Variants in MGAT4C observed in about 807,000 individuals in gnomAD.
The protein encoded by MGAT4C is alpha-1,3-mannosyl-glycoprotein 4-beta-N-acetylglucosaminyltransferase C.
Under a neutral mutation model 40.1 loss-of-function variants are expected in MGAT4C, and 19 were observed. That is an observed-to-expected ratio of 0.47 (90% CI 0.33 to 0.70). MGAT4C has a LOEUF of 0.70. Ranked by LOEUF, MGAT4C falls within the 30% of genes least tolerant of loss-of-function variation. MGAT4C has a pLI of 0.02. For synonymous variants in MGAT4C, 181 were observed against 187.1 expected (o/e 0.97, Z 0.27); for missense variants, 491 against 563.2 (o/e 0.87, Z 1.30).
rs113454968 is a variant in MGAT4C at position 86,478,345 on chromosome 12, T to C, written c.-228-43080A>G. Among the ~76,000 whole-genome samples, 500 of 152,284 alleles carry C rather than the reference T, an allele frequency of 3.3e-3. 2 individuals carry two copies. The highest frequency in any genetic ancestry group is 0.012 in the African/African-American group (484 of 41,572). On this transcript the variant is annotated intron_variant, in intron 2 of 7. Transcript: ENST00000548651. ...TTTTTGAGTTAGACACAATAGTATG[T>C]AGTCTTTTTCAGTCTGTTTTAAAGC...
In MGAT4C at chr12:86,642,775, T is replaced by C. The variant is rs1963428188; in HGVS notation, c.-229+84434A>G. Among the ~76,000 whole-genome samples, 5 of 151,656 alleles carry C rather than the reference T, an allele frequency of 3.3e-5. 1 individual carries two copies. The Middle Eastern group carries it at 0.014, about 415-fold the overall frequency. ...TTGAGAATATATATTTTTATGTTTTTCATAAAACATTTTATATGTATATAT... is the reference window on the plus strand; with the variant it reads ...TTGAGAATATATATTTTTATGTTTTCCATAAAACATTTTATATGTATATAT... On this transcript the variant is annotated intron_variant, in intron 2 of 7. Transcript: ENST00000548651.
chr12:86,169,651 A>G (rs923331265), intron 1 of MGAT4C, among the ~76,000 whole-genome samples: 26 of 152,170 alleles, frequency 1.7e-4, no homozygotes, highest in African/African-American at 4.8e-4. Context: ...AGAGCCAAGC[A>G]TATAGCAGAT....
chr12:86,735,260 C>A (rs572100006), intron 1 of MGAT4C, among the ~76,000 whole-genome samples: 2 of 151,694 alleles, frequency 1.3e-5, no homozygotes, highest in African/African-American at 4.9e-5. Flanking sequence ...AGGGAGATGA[C>A]TAATCCCGAG....
intron 4 of MGAT4C, among the ~76,000 whole-genome samples, chr12:86,298,369 T>C (rs943465418): frequency 9.9e-5 from 15 of 152,176 alleles, no homozygotes; most frequent in Admixed American, 6.5e-4. Flanking sequence ...TGTCATGAGA[T>C]GGCAACTTGT....
At chr12:86,673,103 A>T (rs1307459418) in intron 2 of MGAT4C, among the ~76,000 whole-genome samples, 2 of 152,290 alleles carry the variant, frequency 1.3e-5, no homozygotes, top group East Asian at 3.9e-4. Flanking sequence ...GATAACTATG[A>T]TATCTAATTT....
chr12:86,810,389 C>T (rs1952449940), intron 1 of MGAT4C, among the ~76,000 whole-genome samples: 1 of 151,744 alleles, frequency 6.6e-6, no homozygotes, highest in African/African-American at 2.4e-5. Context: ...GTAGGGTGAA[C>T]AGATATACTT....
At chr12:86,062,175 A>C (rs1894051344) in intron 1 of MGAT4C, among the ~76,000 whole-genome samples, 1 of 152,190 alleles carries the variant, frequency 6.6e-6, no homozygotes, top group African/African-American at 2.4e-5. Flanking sequence ...TTCCAGAGAA[A>C]GTAACAGGCA....
At chr12:86,095,955 G>C (rs560412890) in intron 1 of MGAT4C, among the ~76,000 whole-genome samples, 40 of 151,698 alleles carry the variant, frequency 2.6e-4, no homozygotes, top group African/African-American at 8.0e-4. Context: ...TTGCCTAAAG[G>C]GTAGAGCTCA....
At chr12:86,427,529 AGCACACACATGCACATGT>A (rs1475599645) in intron 3 of MGAT4C, among the ~76,000 whole-genome samples, 1 of 152,072 alleles carries the variant, frequency 6.6e-6, no homozygotes, top group Non-Finnish European at 1.5e-5. Context: ...GACACACTCT[AGCACACACATGCACATGT>A]GCACACACCC....
intron 2 of MGAT4C, among the ~76,000 whole-genome samples, chr12:86,523,081 G>A (rs1014326834): frequency 1.3e-5 from 2 of 151,810 alleles, no homozygotes; most frequent in African/African-American, 4.8e-5. Flanking sequence ...ATGGTTTTCT[G>A]TGTCTCAATC....
rs114753957 is a variant in MGAT4C at position 86,786,290 on chromosome 12, C to A, written c.-262+52376G>T. 3.3e-3 allele frequency among the ~76,000 whole-genome samples: 505 copies of A among 152,086 alleles called. 2 individuals carry two copies. Among genetic ancestry groups the A allele is most frequent in the African/African-American group, 0.012 (498 of 41,518 alleles). On this transcript the variant is annotated intron_variant, in intron 1 of 7. Transcript: ENST00000548651. The stretch of plus-strand genomic sequence containing the variant: ...TCTGTAGGTTTCTAACAAAAGAAAT[C>A]TGCTAGAAATCTGTTAGAAATCTGT...
chr12:86,658,677 T>C (rs1404676123), intron 2 of MGAT4C, among the ~76,000 whole-genome samples: 1 of 152,136 alleles, frequency 6.6e-6, no homozygotes, highest in Non-Finnish European at 1.5e-5. Flanking sequence ...GAGCTTCAGA[T>C]TTCACTGATC....
At chr12:86,821,565 C>A (rs1429162884) in intron 1 of MGAT4C, among the ~76,000 whole-genome samples, 1 of 150,818 alleles carries the variant, frequency 6.6e-6, no homozygotes, top group Non-Finnish European at 1.5e-5. Context: ...GTTAATGATA[C>A]TTATCATATA....
At chr12:86,365,084 C>T (rs1219125976) in intron 3 of MGAT4C, among the ~76,000 whole-genome samples, 5 of 152,090 alleles carry the variant, frequency 3.3e-5, no homozygotes, top group South Asian at 2.1e-4. Context: ...CCTACAGCTT[C>T]GACCATAAAA....
At chr12:86,500,654 A>G (rs1958324105) in intron 2 of MGAT4C, among the ~76,000 whole-genome samples, 1 of 152,014 alleles carries the variant, frequency 6.6e-6, no homozygotes, top group Non-Finnish European at 1.5e-5. Flanking sequence ...CATGTAAGGA[A>G]GAAACAATCC....
chr12:86,566,525 CATATACATATAT>C lies in MGAT4C; in HGVS notation c.-228-131272_-228-131261del, dbSNP rs1235504695. ...CATGTGAGTTAATACTTAGTAAACTCATATACATATATATATATATATATATATATATATATA... is the reference window on the plus strand; with the variant it reads ...CATGTGAGTTAATACTTAGTAAACTCATATATATATATATATATATATATA... On this transcript the variant is annotated intron_variant, in intron 2 of 7. Transcript: ENST00000548651. Among the ~76,000 whole-genome samples, 398 of 70,934 alleles carry C rather than the reference CATATACATATAT, an allele frequency of 5.6e-3. 13 individuals are homozygous for C. Among genetic ancestry groups the C allele is most frequent in the Admixed American group, 6.7e-3 (29 of 4,334 alleles). 46.5% of individuals were successfully genotyped at this position (70,934 alleles called of 152,430 possible).
At position 86,149,989 on chromosome 12, in the gene MGAT4C, A is replaced by G. The variant is rs561947594; in HGVS notation, c.-56-100266T>C. Among the ~76,000 whole-genome samples, 97 of 152,308 alleles carry G rather than the reference A, an allele frequency of 6.4e-4. 1 individual carries two copies. The highest frequency in any genetic ancestry group is 1.1e-3 in the Non-Finnish European group (72 of 68,008). Reference sequence around the variant, plus strand: ...CAGACATCTAAGTCAGTGGTCCCCAACTTTTTGGCACCAGGGACCGGTTTC... The same window carrying G: ...CAGACATCTAAGTCAGTGGTCCCCAGCTTTTTGGCACCAGGGACCGGTTTC... On this transcript the variant is annotated intron_variant, in intron 1 of 4. Coordinates refer to ENST00000611864, the MANE Select transcript of MGAT4C (RefSeq NM_001351288.2).
At chr12:86,600,614 T>G in intron 2 of MGAT4C, among the ~76,000 whole-genome samples, 1 of 152,164 alleles carries the variant, frequency 6.6e-6, no homozygotes, top group African/African-American at 2.4e-5. Flanking sequence ...AAAGAAGCAT[T>G]TTCATCATAA....
chr12:86,418,936 A>C (rs1046419224), intron 3 of MGAT4C, among the ~76,000 whole-genome samples: 3 of 152,152 alleles, frequency 2.0e-5, no homozygotes, highest in African/African-American at 7.2e-5. Flanking sequence ...TATTCTGCTG[A>C]AATTATTTCC....
Sources: gnomAD v4.1 joint callset for allele counts (sites outside exome capture counted in the v4.1 genomes callset) on GRCh38, gnomAD v4.1.1 for gene constraint, MANE v1.5 for transcripts, NCBI Gene and HGNC (gene_info 2026-07-23, HGNC 2026-07-21) for gene names.